The following CNTNAP4 variants were observed in gnomAD, a reference collection of about 807,000 sequenced individuals.
The protein encoded by CNTNAP4 is contactin associated protein family member 4.
Under a neutral mutation model 148.4 loss-of-function variants are expected in CNTNAP4, and 98 were observed. The ratio of observed to expected loss-of-function variants is 0.66; its 90% confidence interval spans 0.56 to 0.78. CNTNAP4 has a LOEUF of 0.78. Ranked by LOEUF, CNTNAP4 falls within the 30% of genes least tolerant of loss-of-function variation. The pLI is 0.00. For synonymous variants in CNTNAP4, 730 were observed against 565.1 expected (o/e 1.29, Z -4.14); for missense variants, 1,935 against 1,565.6 (o/e 1.24, Z -3.98).
chr16:76,300,181 G>A (rs1959804138), intron 1 of CNTNAP4, among the ~76,000 whole-genome samples: 1 of 151,980 alleles, frequency 6.6e-6, no homozygotes, highest in East Asian at 1.9e-4. Flanking sequence ...ACTTTTTGCA[G>A]GTGACATCTG....
chr16:76,504,990 C>T (rs573036232), intron 15 of CNTNAP4, among the ~76,000 whole-genome samples: 2 of 152,022 alleles, frequency 1.3e-5, no homozygotes, highest in Non-Finnish European at 2.9e-5. Context: ...GGATTTAGAG[C>T]AACTAGAACT....
chr16:76,327,977 T>C lies in CNTNAP4; in HGVS notation c.196+11454T>C, dbSNP rs1597208531. On this transcript the variant is annotated intron_variant, in intron 2 of 23. Transcript: ENST00000611870. ...TGTGGGGTCACTTCTTCAATGTGAG[T>C]GATCAAACTTTTGCCTCAAAGTCAT... 2.6e-5 allele frequency among the ~76,000 whole-genome samples: 4 copies of C among 152,270 alleles called. No homozygotes were observed. In the South Asian group the frequency reaches 8.3e-4, roughly 32 times the overall value.
chr16:76,417,360 C>G (rs2079026904), intron 3 of CNTNAP4, among the ~76,000 whole-genome samples: 1 of 150,850 alleles, frequency 6.6e-6, no homozygotes, highest in Non-Finnish European at 1.5e-5. Context: ...TTTACTGTAT[C>G]AGTCATACTT....
chr16:76,517,133 A>C, intron 15 of CNTNAP4, among the ~76,000 whole-genome samples: 1 of 152,154 alleles, frequency 6.6e-6, no homozygotes. Flanking sequence ...TTATGCTTTT[A>C]TTTGAGAGCA....
intron 21 of CNTNAP4, among the ~76,000 whole-genome samples, chr16:76,548,431 T>C (rs2084829553): frequency 6.6e-6 from 1 of 151,812 alleles, no homozygotes; most frequent in Non-Finnish European, 1.5e-5. Context: ...TTTTTTTGCT[T>C]ACGCCTCAGG....
At chr16:76,493,249 G>A (rs928336896) in intron 13 of CNTNAP4, among the ~76,000 whole-genome samples, 3 of 152,152 alleles carry the variant, frequency 2.0e-5, no homozygotes, top group Non-Finnish European at 4.4e-5. Context: ...TTAGTGTCAA[G>A]TGATAATGAT....
intron 23 of CNTNAP4, among the ~76,000 whole-genome samples, chr16:76,556,929 T>C (rs567297506): frequency 2.0e-5 from 3 of 152,302 alleles, no homozygotes; most frequent in Admixed American, 6.5e-5. Flanking sequence ...TAGCAGGTTA[T>C]ATGCACAGGA....
rs2083484889 is a variant in CNTNAP4 at position 76,522,235 on chromosome 16, G to C, written c.2733G>C (p.Gln911His). The C allele has an allele frequency of 2.5e-6, 4 of 1,613,732 alleles. No homozygotes were observed. Among genetic ancestry groups the C allele is most frequent in the African/African-American group, 1.3e-5 (1 of 74,902 alleles). The change falls in exon 17 of 24, where the codon CAG (glutamine) becomes CAC (histidine). Residue 911 changes from glutamine to histidine, a missense_variant. Coordinates refer to ENST00000611870, the MANE Select transcript of CNTNAP4 (RefSeq NM_033401.5). Reference protein sequence around the residue: ...PAPADGHVLLQLNSQLFVGGT... With the variant: ...PAPADGHVLLHLNSQLFVGGT... The stretch of plus-strand genomic sequence containing the variant: ...CCGCTGATGGGCATGTCCTGTTACA[G>C]CTCAACAGTCAGCTCTTCGTGGGTA...
At chr16:76,443,065 A>C (rs1292914871) in intron 4 of CNTNAP4, among the ~76,000 whole-genome samples, 2 of 152,156 alleles carry the variant, frequency 1.3e-5, no homozygotes, top group African/African-American at 2.4e-5. Flanking sequence ...ATAGTGAGCC[A>C]GTGTATGACA....
intron 2 of CNTNAP4, among the ~76,000 whole-genome samples, chr16:76,316,784 A>G (rs1961805583): frequency 6.6e-6 from 1 of 152,218 alleles, no homozygotes; most frequent in Non-Finnish European, 1.5e-5. Context: ...CTACAATAAT[A>G]TACAATCCTT....
intron 17 of CNTNAP4, among the ~76,000 whole-genome samples, chr16:76,526,287 G>A (rs904843311): frequency 6.6e-6 from 1 of 152,124 alleles, no homozygotes; most frequent in African/African-American, 2.4e-5. Flanking sequence ...AAAAAACAAT[G>A]TGGCTGGAAA....
chr16:76,553,296 G>A lies in CNTNAP4; in HGVS notation c.3456G>A (p.Val1152=). 2 of 1,600,376 alleles carry A rather than the reference G, an allele frequency of 1.2e-6. No individual in the cohort carries two copies. Among genetic ancestry groups the A allele is most frequent in the East Asian group, 2.2e-5 (1 of 44,508 alleles). The part of the protein sequence containing the change: ...VLGRILEHSD[V]DQDTALAGAQ... ...TTGAATTTCTAGAACACAGTGATGT[G>A]GACCAGGATACTGCACTGGCAGGTG... is the stretch of plus-strand genomic sequence containing the variant. The change falls in exon 22 of 24, where the codon GTG becomes GTA. Residue 1152 remains valine (V), a synonymous_variant. Transcript: ENST00000611870.
intron 21 of CNTNAP4, among the ~76,000 whole-genome samples, chr16:76,543,719 T>C (rs1332380390): frequency 6.6e-6 from 1 of 152,200 alleles, no homozygotes; most frequent in Admixed American, 6.5e-5. Context: ...TGAGCCTGTC[T>C]TGGAATGCCT....
At chr16:76,373,327 T>G (rs988902771) in intron 3 of CNTNAP4, among the ~76,000 whole-genome samples, 1 of 152,074 alleles carries the variant, frequency 6.6e-6, no homozygotes, top group African/African-American at 2.4e-5. Context: ...TGGAGTATAT[T>G]TCACAAAAAT....
At chr16:76,286,318 G>T (rs1253585649) in intron 1 of CNTNAP4, among the ~76,000 whole-genome samples, 1 of 151,764 alleles carries the variant, frequency 6.6e-6, no homozygotes, top group Non-Finnish European at 1.5e-5. Flanking sequence ...ATAGTGATGG[G>T]ATGTAGAATA....
At chr16:76,479,913 A>G (rs1474989339) in intron 12 of CNTNAP4, among the ~76,000 whole-genome samples, 1 of 152,210 alleles carries the variant, frequency 6.6e-6, no homozygotes, top group Non-Finnish European at 1.5e-5. Context: ...TTACATAGAA[A>G]TTAATAAACA....
At chr16:76,411,359 A>T (rs1275762768) in intron 3 of CNTNAP4, among the ~76,000 whole-genome samples, 1 of 151,468 alleles carries the variant, frequency 6.6e-6, no homozygotes, top group Non-Finnish European at 1.5e-5. Flanking sequence ...GAATGACTGT[A>T]TAAAAACAAT....
intron 1 of CNTNAP4, among the ~76,000 whole-genome samples, chr16:76,293,605 C>T (rs1597101102): frequency 1.3e-5 from 2 of 152,046 alleles, no homozygotes; most frequent in Admixed American, 1.3e-4. Flanking sequence ...TTTGTATAAT[C>T]AATTTTTAGG....
intron 8 of CNTNAP4, among the ~76,000 whole-genome samples, chr16:76,455,691 G>A (rs1217244522): frequency 6.6e-6 from 1 of 152,200 alleles, no homozygotes; most frequent in African/African-American, 2.4e-5. Context: ...ACTTCAGTGC[G>A]CTGAAATACG....
Sources: allele counts gnomAD v4.1 joint callset (sites outside exome capture counted in the v4.1 genomes callset), GRCh38; gene constraint gnomAD v4.1.1; transcripts MANE v1.5; gene names NCBI Gene and HGNC (gene_info 2026-07-23, HGNC 2026-07-21).